The following GRIA1 variants were observed in gnomAD, a reference collection of about 807,000 sequenced individuals.
GRIA1 encodes glutamate ionotropic receptor AMPA type subunit 1.
Under a neutral mutation model 99.2 loss-of-function variants are expected in GRIA1, and 31 were observed. The observed-to-expected ratio is 0.31, with a 90% confidence interval of 0.23 to 0.42. The LOEUF (loss-of-function observed/expected upper bound fraction) is 0.42, where lower values mean the gene tolerates loss of function less well. Ranked by LOEUF, GRIA1 falls within the 10% of genes least tolerant of loss-of-function variation. The probability of loss-of-function intolerance (pLI) is 1.00; values close to 1 mark genes in which losing one functional copy is unlikely to be tolerated. For synonymous variants in GRIA1, 438 were observed against 432.4 expected (o/e 1.01, Z -0.16); for missense variants, 782 against 1,157.5 (o/e 0.68, Z 4.71).
At chr5:153,605,122 G>A (rs1414605782) in intron 2 of GRIA1, among the ~76,000 whole-genome samples, 1 of 151,918 alleles carries the variant, frequency 6.6e-6, no homozygotes, top group African/African-American at 2.4e-5. Context: ...AGGATGTGGA[G>A]GTTGCAGTGA....
intron 13 of GRIA1, among the ~76,000 whole-genome samples, chr5:153,787,687 C>T (rs1195322398): frequency 1.3e-5 from 2 of 152,152 alleles, no homozygotes; most frequent in Non-Finnish European, 2.9e-5. Flanking sequence ...GGCTGATGGT[C>T]CTCGCAGGTC....
At chr5:153,622,657 A>G (rs942589084) in intron 2 of GRIA1, among the ~76,000 whole-genome samples, 8 of 152,236 alleles carry the variant, frequency 5.3e-5, no homozygotes, top group African/African-American at 1.9e-4. Flanking sequence ...ACATGATAAC[A>G]AATATGAAAA....
intron 15 of GRIA1, among the ~76,000 whole-genome samples, chr5:153,802,968 G>A (rs138780532): frequency 6.6e-6 from 1 of 152,176 alleles, no homozygotes; most frequent in African/African-American, 2.4e-5. Context: ...TGCAGAGAAA[G>A]GTAAGCAGAT....
intron 2 of GRIA1, chr5:153,525,069 C>T (rs1757478309): frequency 6.6e-6 from 1 of 152,196 alleles, no homozygotes; most frequent in East Asian, 1.9e-4. Context: ...CACACATCAC[C>T]TATTGAATTC....
intron 2 of GRIA1, among the ~76,000 whole-genome samples, chr5:153,539,634 G>C (rs1758885559): frequency 6.6e-6 from 1 of 152,172 alleles, no homozygotes; most frequent in Non-Finnish European, 1.5e-5. Context: ...TTAAACCCAA[G>C]TTTCTCAATG....
At position 153,707,616 on chromosome 5, in the gene GRIA1, A is replaced by T. The variant is rs113224399; in HGVS notation, c.1823+1549A>T. Among the ~76,000 whole-genome samples the T allele has an allele frequency of 6.8e-4, 103 of 152,300 alleles. No homozygotes were observed. The East Asian group carries it at 9.6e-3, about 14-fold the overall frequency. On this transcript the variant is annotated intron_variant, in intron 11 of 15. Coordinates refer to ENST00000285900, the MANE Select transcript of GRIA1 (RefSeq NM_000827.4). ...CTGGAGGCATAAGTGCATAATATCA[A>T]GGTCTCATAGACATGTGCTGGAGGC...
At chr5:153,491,204 C>T in intron 1 of GRIA1, 1 of 1,257,908 alleles carries the variant, frequency 7.9e-7, no homozygotes, top group Non-Finnish European at 1.0e-6. Context: ...ACTCGCACTC[C>T]AGGCAAGAGC....
At chr5:153,782,999 A>G (rs1764734116) in intron 13 of GRIA1, among the ~76,000 whole-genome samples, 1 of 152,186 alleles carries the variant, frequency 6.6e-6, no homozygotes, top group Non-Finnish European at 1.5e-5. Flanking sequence ...GAGAGGAAGA[A>G]GAGAGAGGGC....
intron 11 of GRIA1, among the ~76,000 whole-genome samples, chr5:153,752,384 T>C (rs1255483316): frequency 2.6e-5 from 4 of 152,218 alleles, no homozygotes; most frequent in Admixed American, 6.5e-5. Context: ...CAAGCCCTTC[T>C]GTGTTCCTTC....
chr5:153,729,385 A>C (rs1212143768), intron 11 of GRIA1, among the ~76,000 whole-genome samples: 2 of 152,022 alleles, frequency 1.3e-5, no homozygotes, highest in Non-Finnish European at 2.9e-5. Flanking sequence ...AAAGTATAAT[A>C]ATAATAAAAT....
intron 2 of GRIA1, among the ~76,000 whole-genome samples, chr5:153,576,240 T>G (rs1027292166): frequency 2.0e-5 from 3 of 152,200 alleles, no homozygotes; most frequent in Non-Finnish European, 4.4e-5. Flanking sequence ...CTGAGGTTAG[T>G]TTATACATGT....
At chr5:153,578,041 C>G (rs1762711805) in intron 2 of GRIA1, among the ~76,000 whole-genome samples, 1 of 149,300 alleles carries the variant, frequency 6.7e-6, no homozygotes. Context: ...ATTCTAGCTA[C>G]TCGGGAGGCT....
At position 153,813,754 on chromosome 5, in the gene GRIA1, C is replaced by T. The variant is rs1305159156; in HGVS notation, c.*2529C>T. The T allele has an allele frequency of 2.0e-5, 3 of 152,176 alleles. No individual in the cohort carries two copies. Among genetic ancestry groups the T allele is most frequent in the African/African-American group, 7.2e-5 (3 of 41,436 alleles). The allele number at this position is 152,176 out of a possible 1,614,324, so 9.4% of individuals were successfully genotyped here. A position where few individuals can be genotyped will look rare whatever the true frequency, so the allele number is the denominator to read the frequency against. On this transcript the variant is annotated 3_prime_UTR_variant, in exon 16 of 16. Transcript: ENST00000285900. ...ATGTGTGAAAGGATTCTTGCTTGATCAAACACTAAGTATTTTTTTGGTTCT... is the reference window on the plus strand; with the variant it reads ...ATGTGTGAAAGGATTCTTGCTTGATTAAACACTAAGTATTTTTTTGGTTCT...
At chr5:153,608,733 T>C (rs1301384836) in intron 2 of GRIA1, among the ~76,000 whole-genome samples, 5 of 152,216 alleles carry the variant, frequency 3.3e-5, no homozygotes, top group African/African-American at 1.2e-4. Flanking sequence ...TGTGGGTCTA[T>C]TCCTATTTTC....
chr5:153,796,206 C>A (rs1301689038), intron 14 of GRIA1, among the ~76,000 whole-genome samples: 1 of 152,004 alleles, frequency 6.6e-6, no homozygotes, highest in Non-Finnish European at 1.5e-5. Context: ...AACTTGTTAC[C>A]TCTATCACAA....
intron 11 of GRIA1, among the ~76,000 whole-genome samples, chr5:153,718,723 G>T (rs368743477): frequency 2.2e-4 from 33 of 152,052 alleles, no homozygotes; most frequent in African/African-American, 8.0e-4. Flanking sequence ...CCCTATCCCT[G>T]GTCCCCCACC....
chr5:153,571,222 C>T (rs11749088), intron 2 of GRIA1, among the ~76,000 whole-genome samples: 7,643 of 152,220 alleles, frequency 0.05, 264 homozygotes, highest in Non-Finnish European at 0.076. Flanking sequence ...AGATATTTGC[C>T]GACTGGGGGC....
At chr5:153,617,961 C>T (rs1493404) in intron 2 of GRIA1, among the ~76,000 whole-genome samples, 33,782 of 152,080 alleles carry the variant, frequency 0.22, 4,305 homozygotes, top group Non-Finnish European at 0.3. Flanking sequence ...CAACTTAGAA[C>T]GCCCACTTTC....
rs556056270 is a variant in GRIA1, at chr5:153,707,639, G to A, written c.1823+1572G>A. 9.7e-4 allele frequency among the ~76,000 whole-genome samples: 148 copies of A among 152,226 alleles called. 1 individual carries two copies. Among genetic ancestry groups the A allele is most frequent in the African/African-American group, 3.5e-3 (144 of 41,532 alleles). On this transcript the variant is annotated intron_variant, in intron 11 of 15. Transcript: ENST00000285900. ...CAAGGTCTCATAGACATGTGCTGGAGGCATCTTTACCACCTATCTACGTTT... is the reference window on the plus strand; with the variant it reads ...CAAGGTCTCATAGACATGTGCTGGAAGCATCTTTACCACCTATCTACGTTT...
Sources: allele counts gnomAD v4.1 joint callset (sites outside exome capture counted in the v4.1 genomes callset), GRCh38; gene constraint gnomAD v4.1.1; transcripts MANE v1.5; gene names NCBI Gene and HGNC (gene_info 2026-07-23, HGNC 2026-07-21).